ERC2: variants seen among roughly 807,000 people sequenced by gnomAD.
ERC2 encodes the protein ERC protein 2.
A neutral mutation model predicts 114.8 loss-of-function variants in ERC2; 42 were observed. The ratio of observed to expected loss-of-function variants is 0.37; its 90% CI spans 0.29 to 0.47. ERC2 has a LOEUF of 0.47. Ranked by LOEUF, ERC2 falls within the 20% of genes least tolerant of loss-of-function variation. ERC2 has a pLI of 0.99. For synonymous variants in ERC2, 454 were observed against 425.5 expected, an observed-to-expected ratio of 1.07 and a Z score of -0.82; for missense variants, 939 against 1,150.7, an observed-to-expected ratio of 0.82 and a Z score of 2.66.
chr3:55,934,410 C>A (rs942166333), intron 13 of ERC2, among the ~76,000 whole-genome samples: 1 of 152,178 alleles, frequency 6.6e-6, no homozygotes, highest in Admixed American at 6.5e-5. Flanking sequence ...GCATAAAGAA[C>A]TGTGACAATG....
At chr3:56,259,850 T>C (rs1335204405) in intron 3 of ERC2, among the ~76,000 whole-genome samples, 2 of 152,142 alleles carry the variant, frequency 1.3e-5, no homozygotes. Flanking sequence ...TCCCAGCTTT[T>C]GGCTGGATCT....
At chr3:56,454,270 G>A (rs2062957282) in intron 1 of ERC2, among the ~76,000 whole-genome samples, 2 of 152,130 alleles carry the variant, frequency 1.3e-5, no homozygotes, top group Middle Eastern at 3.2e-3. Flanking sequence ...CACTTACTTA[G>A]GTTAAGATCT....
At chr3:56,056,724 G>A (rs2076030445) in intron 7 of ERC2, among the ~76,000 whole-genome samples, 1 of 152,074 alleles carries the variant, frequency 6.6e-6, no homozygotes, top group South Asian at 2.1e-4. Context: ...TCTCTGACCG[G>A]TTTTGGTCTC....
intron 13 of ERC2, among the ~76,000 whole-genome samples, chr3:55,944,095 G>A (rs1355487312): frequency 6.6e-6 from 1 of 152,174 alleles, no homozygotes; most frequent in African/African-American, 2.4e-5. Flanking sequence ...AATAAGAGAT[G>A]ACTATACCAT....
intron 12 of ERC2, among the ~76,000 whole-genome samples, chr3:55,962,307 A>T (rs974853295): frequency 3.3e-5 from 5 of 152,256 alleles, no homozygotes; most frequent in Non-Finnish European, 5.9e-5. Context: ...GTAAGTGGCC[A>T]GATAGTAAAT....
intron 2 of ERC2, among the ~76,000 whole-genome samples, chr3:56,415,009 G>A (rs1414910940): frequency 6.6e-6 from 1 of 152,160 alleles, no homozygotes; most frequent in Non-Finnish European, 1.5e-5. Flanking sequence ...CTGGGCTCAG[G>A]GCTACCACAT....
intron 14 of ERC2, among the ~76,000 whole-genome samples, chr3:55,867,008 A>G (rs149332767): frequency 2.2e-3 from 339 of 152,256 alleles, no homozygotes; most frequent in Admixed American, 3.5e-3. Flanking sequence ...TGATTTATAT[A>G]TTCTGAAAAT....
chr3:55,877,388 G>A (rs989561587), intron 14 of ERC2, among the ~76,000 whole-genome samples: 5 of 152,306 alleles, frequency 3.3e-5, no homozygotes, highest in East Asian at 1.9e-4. Flanking sequence ...CAGGTCAGGC[G>A]TGCCTGGGCT....
At chr3:56,026,051 T>C (rs1168493787) in intron 7 of ERC2, among the ~76,000 whole-genome samples, 1 of 145,272 alleles carries the variant, frequency 6.9e-6, no homozygotes, top group African/African-American at 2.5e-5. Flanking sequence ...CTTCCTCCGT[T>C]TCTTTCTTTT....
At chr3:56,154,801 T>C (rs775171178) in intron 4 of ERC2, among the ~76,000 whole-genome samples, 2 of 152,172 alleles carry the variant, frequency 1.3e-5, no homozygotes, top group African/African-American at 4.8e-5. Flanking sequence ...TGAGGTATAA[T>C]GCATACAAAG....
chr3:56,391,591 T>C (rs1196693371), intron 2 of ERC2, among the ~76,000 whole-genome samples: 1 of 152,156 alleles, frequency 6.6e-6, no homozygotes, highest in Non-Finnish European at 1.5e-5. Flanking sequence ...GCAACTCAAA[T>C]AAGTAGGTGA....
chr3:55,857,009 G>A (rs1327211517), intron 14 of ERC2, among the ~76,000 whole-genome samples: 1 of 151,988 alleles, frequency 6.6e-6, no homozygotes, highest in African/African-American at 2.4e-5. Flanking sequence ...CAGAGACTAA[G>A]GAAAAGGGGT....
chr3:56,347,715 A>C (rs570057654), intron 2 of ERC2, among the ~76,000 whole-genome samples: 1 of 152,190 alleles, frequency 6.6e-6, no homozygotes, highest in Non-Finnish European at 1.5e-5. Context: ...CAGAGGCCCT[A>C]GCACTAGCTA....
intron 14 of ERC2, among the ~76,000 whole-genome samples, chr3:55,864,100 TATATATATATATATATATACACAC>T (rs2062150589): frequency 9.0e-5 from 2 of 22,104 alleles, no homozygotes; most frequent in Non-Finnish European, 1.4e-4. Context: ...GCAGCAGGTA[TATATATATATATATATATACACAC>T]ACACATATAT....
intron 17 of ERC2, among the ~76,000 whole-genome samples, chr3:55,678,241 GTT>G (rs2061903171): frequency 6.6e-6 from 1 of 152,192 alleles, no homozygotes; most frequent in South Asian, 2.1e-4. Context: ...CTTCTGGTTA[GTT>G]CTCATATTAA....
chr3:56,287,515 G>A (rs1469183675), intron 3 of ERC2, among the ~76,000 whole-genome samples: 1 of 152,172 alleles, frequency 6.6e-6, no homozygotes, highest in African/African-American at 2.4e-5. Flanking sequence ...TAATCTTCCC[G>A]CTGCTCTATG....
At chr3:55,660,338 CCCTGGAATTGAGTG>C (rs2061070279) in intron 17 of ERC2, among the ~76,000 whole-genome samples, 1 of 152,142 alleles carries the variant, frequency 6.6e-6, no homozygotes, top group African/African-American at 2.4e-5. Context: ...CAACTTCCAC[CCCTGGAATTGAGTG>C]CCTGGTGCAG....
At chr3:55,931,673 G>A (rs1247680022) in intron 13 of ERC2, among the ~76,000 whole-genome samples, 2 of 152,018 alleles carry the variant, frequency 1.3e-5, no homozygotes, top group Admixed American at 6.6e-5. Flanking sequence ...GATGGGTGCA[G>A]CAAACCAGCA....
At chr3:56,316,767 TTAGA>T (rs1195818976) in intron 2 of ERC2, among the ~76,000 whole-genome samples, 1 of 152,244 alleles carries the variant, frequency 6.6e-6, no homozygotes, top group Admixed American at 6.5e-5. Flanking sequence ...ACTTATCTCC[TTAGA>T]TAGAAGGCTT....
Sources: allele counts gnomAD v4.1 joint callset (sites outside exome capture counted in the v4.1 genomes callset), GRCh38; gene constraint gnomAD v4.1.1; transcripts MANE v1.5; gene names NCBI Gene and HGNC (gene_info 2026-07-23, HGNC 2026-07-21).